Variants in B3GALT5 observed in about 807,000 individuals in gnomAD.
The protein encoded by B3GALT5 is beta-1,3-galactosyltransferase 5, also known as UDP-Gal:betaGlcNAc beta 1,3-galactosyltransferase, polypeptide 5.
For missense variants in B3GALT5, 328 were observed against 396.6 expected, an observed-to-expected ratio of 0.83 and a Z score of 1.47; for synonymous variants, 156 against 158.6, an observed-to-expected ratio of 0.98 and a Z score of 0.12.
intron 1 of B3GALT5, among the ~76,000 whole-genome samples, chr21:39,635,183 T>C (rs913645633): frequency 1.3e-5 from 2 of 152,092 alleles, no homozygotes; most frequent in Non-Finnish European, 2.9e-5. Flanking sequence ...TGGATTTGGA[T>C]TTTTGCTTGT....
chr21:39,647,043 G>A (rs2079346920), intron 2 of B3GALT5, among the ~76,000 whole-genome samples: 1 of 152,158 alleles, frequency 6.6e-6, no homozygotes, highest in Admixed American at 6.5e-5. Context: ...GGAGGTGGCA[G>A]TGAACCAAGA....
At chr21:39,627,014 T>C (rs368663241) in intron 1 of B3GALT5, among the ~76,000 whole-genome samples, 1 of 152,334 alleles carries the variant, frequency 6.6e-6, no homozygotes. Flanking sequence ...TTCCATATCA[T>C]GGACTTTCTT....
intron 1 of B3GALT5, among the ~76,000 whole-genome samples, chr21:39,619,127 G>C (rs1330473173): frequency 6.6e-6 from 1 of 151,640 alleles, no homozygotes; most frequent in African/African-American, 2.4e-5. Context: ...TGGTCTGCTT[G>C]GGCTGCCATA....
chr21:39,655,447 T>C (rs2079433607), intron 2 of B3GALT5, among the ~76,000 whole-genome samples: 1 of 152,166 alleles, frequency 6.6e-6, no homozygotes, highest in Admixed American at 6.5e-5. Context: ...CCGGGAGGAC[T>C]TGGGGTTGCC....
rs1051290540 is a variant in B3GALT5 at position 39,663,664 on chromosome 21, A to T, written c.*2172A>T. 1 of 152,148 alleles carries T rather than the reference A, an allele frequency of 6.6e-6. No individual in the cohort carries two copies. The highest frequency in any genetic ancestry group is 2.4e-5 in the African/African-American group (1 of 41,422). 9.4% of individuals were successfully genotyped at this position (152,148 alleles called of 1,614,324 possible). A position where few individuals can be genotyped will look rare whatever the true frequency, so the allele number is the denominator to read the frequency against. ...AATAATTCTTTTTCTTGAGGAAAAA[A>T]CATTATTTCATGAATCTAGAACTTG... On this transcript the variant is annotated 3_prime_UTR_variant, in exon 4 of 4. Coordinates refer to ENST00000684187, the MANE Select transcript of B3GALT5 (RefSeq NM_001356336.2).
At chr21:39,618,195 C>T (rs370136623) in intron 1 of B3GALT5, among the ~76,000 whole-genome samples, 4 of 152,160 alleles carry the variant, frequency 2.6e-5, no homozygotes, top group East Asian at 1.9e-4. Context: ...ACAATTGGCT[C>T]AGCTATTGTT....
chr21:39,616,269 TCTTA>T (rs1331848308), intron 1 of B3GALT5, among the ~76,000 whole-genome samples: 1 of 152,200 alleles, frequency 6.6e-6, no homozygotes, highest in Non-Finnish European at 1.5e-5. Context: ...TCTCTCTTTT[TCTTA>T]CTGTTTCTAA....
At chr21:39,650,118 G>A (rs371455480) in intron 2 of B3GALT5, among the ~76,000 whole-genome samples, 4 of 152,292 alleles carry the variant, frequency 2.6e-5, no homozygotes, top group African/African-American at 9.6e-5. Context: ...GAGGCTTCCC[G>A]AGGCAGTGGA....
intron 1 of B3GALT5, among the ~76,000 whole-genome samples, chr21:39,636,798 G>C (rs367977208): frequency 1.7e-4 from 26 of 152,058 alleles, no homozygotes; most frequent in African/African-American, 6.0e-4. Context: ...CTTTGGTGGC[G>C]GTCAAATGGG....
At chr21:39,650,139 A>G (rs2079381325) in intron 2 of B3GALT5, among the ~76,000 whole-genome samples, 2 of 152,300 alleles carry the variant, frequency 1.3e-5, no homozygotes, top group African/African-American at 4.8e-5. Flanking sequence ...AGGGCCTGGG[A>G]TGAAGGTGCA....
chr21:39,661,231 C>T lies in B3GALT5; in HGVS notation c.672C>T (p.Asp224=), dbSNP rs61744868. 210 of 1,614,168 alleles carry T rather than the reference C, an allele frequency of 1.3e-4. 1 individual carries two copies. The African/African-American group carries it at 1.7e-3, about 13-fold the overall frequency. ...CSGTGYVFSG[D]VASQVYNVSK... is the part of the protein sequence containing the mutation. ...GCACCGGCTACGTGTTTTCTGGCGACGTGGCGAGTCAGGTGTACAATGTCT... is the reference window on the plus strand; with the variant it reads ...GCACCGGCTACGTGTTTTCTGGCGATGTGGCGAGTCAGGTGTACAATGTCT... The change falls in exon 4 of 4, where the codon GAC becomes GAT. Residue 224 remains aspartate (D), a synonymous_variant. Transcript: ENST00000684187. The surrounding 1 kb of genome is among the most constrained non-coding windows in gnomAD (Gnocchi z 4.7).
rs114976501 is a variant in B3GALT5, at chr21:39,661,813, G to A, written c.*321G>A. The stretch of plus-strand genomic sequence containing the variant: ...GGCAAGGACACAGCAGCTGCGAGAG[G>A]TACAGAAACTTGTCCCAAGGCTCAC... On this transcript the variant is annotated 3_prime_UTR_variant, in exon 4 of 4. Transcript: ENST00000684187. This position sits in a 1 kb window ranked among gnomAD's most constrained non-coding sequence, Gnocchi z 4.7. 510 of 220,316 alleles carry A rather than the reference G, an allele frequency of 2.3e-3. 5 individuals carry two copies. Among genetic ancestry groups the A allele is most frequent in the African/African-American group, 0.011 (481 of 43,642 alleles). The allele number at this position is 220,316 out of a possible 1,614,324, so 13.6% of individuals were successfully genotyped here.
At chr21:39,654,005 G>T (rs1191570263) in intron 2 of B3GALT5, among the ~76,000 whole-genome samples, 2 of 152,032 alleles carry the variant, frequency 1.3e-5, no homozygotes, top group Non-Finnish European at 2.9e-5. Context: ...ATAATTTTTT[G>T]CAATTATGAG....
chr21:39,625,585 T>G (rs2079159428), intron 1 of B3GALT5, among the ~76,000 whole-genome samples: 1 of 152,212 alleles, frequency 6.6e-6, no homozygotes, highest in Non-Finnish European at 1.5e-5. Context: ...CTTTTTGAGA[T>G]TCATTATGCA....
Position 39,671,103 on chromosome 21 carries a change from A to T in B3GALT5, c.*9611A>T. The T allele has an allele frequency of 6.6e-6, 1 of 152,314 alleles. No individual in the cohort carries two copies. The highest frequency in any genetic ancestry group is 1.5e-5 in the Non-Finnish European group (1 of 68,042). The allele number at this position is 152,314 out of a possible 1,614,324, so 9.4% of individuals were successfully genotyped here. On this transcript the variant is annotated 3_prime_UTR_variant, in exon 4 of 4. Coordinates refer to ENST00000684187, the MANE Select transcript of B3GALT5 (RefSeq NM_001356336.2). ...CTTTGATAAAATCACTCTTGGCAAT[A>T]ACTGACCCTCCTCTTATAATAACAT... is the stretch of plus-strand genomic sequence containing the variant.
chr21:39,637,102 C>A (rs925342298), intron 1 of B3GALT5, among the ~76,000 whole-genome samples: 5 of 152,188 alleles, frequency 3.3e-5, no homozygotes, highest in African/African-American at 9.7e-5. Context: ...GCACACGGGG[C>A]CAGCACATAC....
intron 1 of B3GALT5, among the ~76,000 whole-genome samples, chr21:39,639,323 TTTCTTTCTTTCTTTCTTTCTTTCTTTCC>T (rs1233671415): frequency 1.8e-5 from 2 of 113,090 alleles, no homozygotes; most frequent in African/African-American, 7.0e-5. Flanking sequence ...TCTTTCTTTC[TTTCTTTCTTTCTTTCTTTCTTTCTTTCC>T]TTCCTTCCTT....
chr21:39,638,641 G>A (rs183239601), intron 1 of B3GALT5, among the ~76,000 whole-genome samples: 1 of 152,300 alleles, frequency 6.6e-6, no homozygotes, highest in Admixed American at 6.5e-5. Flanking sequence ...CTTGAGATAA[G>A]GCAGGGGTCT....
intron 1 of B3GALT5, among the ~76,000 whole-genome samples, chr21:39,616,205 T>C (rs747467599): frequency 2.0e-4 from 31 of 152,288 alleles, no homozygotes; most frequent in Middle Eastern, 6.8e-3. Context: ...GCTCTGATTT[T>C]TTATAATTAT....
Sources: allele counts gnomAD v4.1 joint callset (sites outside exome capture counted in the v4.1 genomes callset), GRCh38; gene constraint gnomAD v4.1.1; non-coding constraint Gnocchi (gnomAD v3.1); transcripts MANE v1.5; gene names NCBI Gene and HGNC (gene_info 2026-07-23, HGNC 2026-07-21).